Variants in TEAD1 observed in about 807,000 individuals in gnomAD.
TEAD1 encodes the protein transcriptional enhancer factor TEF-1.
TEAD1 carries 9 observed loss-of-function variants against 54.9 expected under a neutral mutation model. The ratio of observed to expected loss-of-function variants is 0.16; its 90% confidence interval spans 0.10 to 0.29. The LOEUF is 0.29. Among genes scored for constraint, TEAD1 ranks in the 10% least tolerant of loss-of-function variants. The pLI is 1.00. For missense variants in TEAD1, 387 were observed against 535.9 expected, an observed-to-expected ratio of 0.72 and a Z score of 2.74; for synonymous variants, 200 against 187.8, an observed-to-expected ratio of 1.07 and a Z score of -0.53.
At chr11:12,894,629 A>G (rs1487591177) in intron 9 of TEAD1, among the ~76,000 whole-genome samples, 1 of 152,170 alleles carries the variant, frequency 6.6e-6, no homozygotes, top group African/African-American at 2.4e-5. Flanking sequence ...GCCAGACCCC[A>G]CAAGGCTTCC....
intron 3 of TEAD1, among the ~76,000 whole-genome samples, chr11:12,803,821 C>T (rs925134982): frequency 6.6e-6 from 1 of 152,160 alleles, no homozygotes; most frequent in African/African-American, 2.4e-5. Context: ...AACTGGGGTT[C>T]CAAGGAGTCG....
chr11:12,827,332 C>A (rs1590189963), intron 3 of TEAD1, among the ~76,000 whole-genome samples: 1 of 152,184 alleles, frequency 6.6e-6, no homozygotes, highest in Non-Finnish European at 1.5e-5. Flanking sequence ...TCATGAGATA[C>A]TGGGATTGTG....
intron 3 of TEAD1, among the ~76,000 whole-genome samples, chr11:12,821,741 G>A (rs558168334): frequency 6.6e-6 from 1 of 152,176 alleles, no homozygotes; most frequent in African/African-American, 2.4e-5. Context: ...TCAACAACCT[G>A]TGTGGAACCT....
chr11:12,815,727 A>G (rs923119812), intron 3 of TEAD1, among the ~76,000 whole-genome samples: 6 of 152,226 alleles, frequency 3.9e-5, no homozygotes, highest in Admixed American at 6.5e-5. Context: ...TGTATGTGTT[A>G]CTTATGTGTT....
At chr11:12,889,960 G>C (rs895548438) in intron 9 of TEAD1, among the ~76,000 whole-genome samples, 1 of 152,026 alleles carries the variant, frequency 6.6e-6, no homozygotes, top group Non-Finnish European at 1.5e-5. Flanking sequence ...GGGCTCAAGC[G>C]ATCCACCCAC....
intron 9 of TEAD1, among the ~76,000 whole-genome samples, chr11:12,894,855 T>A (rs1463929420): frequency 6.6e-6 from 1 of 152,238 alleles, no homozygotes; most frequent in Non-Finnish European, 1.5e-5. Context: ...ACGTGCTATG[T>A]ACAGTGTTAT....
chr11:12,924,094 G>A (rs974069910), intron 10 of TEAD1, among the ~76,000 whole-genome samples: 4 of 152,134 alleles, frequency 2.6e-5, no homozygotes, highest in African/African-American at 9.7e-5. Flanking sequence ...CTGTGCCCAA[G>A]TTGCATTTCC....
chr11:12,814,333 A>G (rs1216767189), intron 3 of TEAD1, among the ~76,000 whole-genome samples: 2 of 152,184 alleles, frequency 1.3e-5, no homozygotes, highest in Non-Finnish European at 2.9e-5. Context: ...TCTTGACAAC[A>G]GAGTTTGTTC....
chr11:12,757,431 G>A (rs1229568742), intron 2 of TEAD1, among the ~76,000 whole-genome samples: 2 of 152,242 alleles, frequency 1.3e-5, no homozygotes, highest in African/African-American at 2.4e-5. Flanking sequence ...CTCAAAATAA[G>A]ATTTACTGAT....
chr11:12,681,793 C>A (rs1943228328), intron 2 of TEAD1, among the ~76,000 whole-genome samples: 1 of 152,380 alleles, frequency 6.6e-6, no homozygotes, highest in South Asian at 2.1e-4. Flanking sequence ...TTCTCACTCA[C>A]CTTTCCAGGC....
At chr11:12,906,552 AAAAAAAG>A (rs1258940533) in intron 10 of TEAD1, among the ~76,000 whole-genome samples, 74 of 152,032 alleles carry the variant, frequency 4.9e-4, no homozygotes, top group Middle Eastern at 3.4e-3. Flanking sequence ...AAAAAAAAAA[AAAAAAAG>A]AAAGAAAGAA....
In TEAD1 at chr11:12,942,974, C is replaced by T. The variant is rs1423434781; in HGVS notation, c.*5752C>T. The T allele has an allele frequency of 6.6e-6, 1 of 152,164 alleles. No individual in the cohort carries two copies. Among genetic ancestry groups the T allele is most frequent in the Non-Finnish European group, 1.5e-5 (1 of 68,022 alleles). The allele number at this position is 152,164 out of a possible 1,614,324, so 9.4% of individuals were successfully genotyped here. On this transcript the variant is annotated 3_prime_UTR_variant, in exon 13 of 13. Coordinates refer to ENST00000527636, the MANE Select transcript of TEAD1 (RefSeq NM_021961.6). ...GAGTGAAAAGGACAAGAAGGCCAAA[C>T]ACCAGCCAAAAAGAAACTAGGAAAA... is the stretch of plus-strand genomic sequence containing the variant.
intron 2 of TEAD1, among the ~76,000 whole-genome samples, chr11:12,715,718 C>A (rs182066362): frequency 6.6e-6 from 1 of 151,986 alleles, no homozygotes; most frequent in Non-Finnish European, 1.5e-5. Flanking sequence ...AAAAAAGATG[C>A]CCAGTTAAAT....
At chr11:12,739,770 A>C (rs970089336) in intron 2 of TEAD1, among the ~76,000 whole-genome samples, 2 of 152,062 alleles carry the variant, frequency 1.3e-5, no homozygotes, top group African/African-American at 4.8e-5. Context: ...TACTGATTAC[A>C]TGTTAGGTGC....
intron 2 of TEAD1, among the ~76,000 whole-genome samples, chr11:12,718,316 G>C (rs1171413505): frequency 6.6e-6 from 1 of 152,124 alleles, no homozygotes; most frequent in African/African-American, 2.4e-5. Flanking sequence ...CTCAGAGCAT[G>C]AAATAGAGAT....
At position 12,862,136 on chromosome 11, in the gene TEAD1, C is replaced by T. The variant is rs1451102542; in HGVS notation, c.203-114C>T. The T allele has an allele frequency of 3.8e-6, 3 of 796,290 alleles. No individual in the cohort carries two copies. The Admixed American group carries it at 6.1e-5, about 16-fold the overall frequency. 49.3% of individuals were successfully genotyped at this position (796,290 alleles called of 1,614,324 possible). On this transcript the variant is annotated intron_variant, in intron 3 of 12. Coordinates refer to ENST00000527636, the MANE Select transcript of TEAD1 (RefSeq NM_021961.6). ...GTTTTATTTTTCTAGTATTAGTAAA[C>T]ACATAGTTGTAATTTTAAAATTCTT...
intron 3 of TEAD1, among the ~76,000 whole-genome samples, chr11:12,858,103 C>G (rs1288473424): frequency 6.6e-6 from 1 of 151,976 alleles, no homozygotes; most frequent in Non-Finnish European, 1.5e-5. Flanking sequence ...GAGACCCTGT[C>G]TAAAAGAAAT....
At chr11:12,718,094 C>G (rs1459828390) in intron 2 of TEAD1, among the ~76,000 whole-genome samples, 1 of 152,138 alleles carries the variant, frequency 6.6e-6, no homozygotes, top group East Asian at 1.9e-4. Context: ...TGAGGGTAAG[C>G]ACAGCTCTGG....
chr11:12,690,019 T>C (rs1268676782), intron 2 of TEAD1, among the ~76,000 whole-genome samples: 1 of 151,856 alleles, frequency 6.6e-6, no homozygotes, highest in Non-Finnish European at 1.5e-5. Context: ...GGTGGGCGGA[T>C]CATGAGGTCA....
Sources: allele counts gnomAD v4.1 joint callset (sites outside exome capture counted in the v4.1 genomes callset), GRCh38; gene constraint gnomAD v4.1.1; transcripts MANE v1.5; gene names NCBI Gene and HGNC (gene_info 2026-07-23, HGNC 2026-07-21).